Variants in GRM7 observed in about 807,000 individuals in gnomAD.
GRM7 encodes glutamate metabotropic receptor 7, also known as metabotropic glutamate receptor 7.
A neutral mutation model predicts 84.5 loss-of-function variants in GRM7; 35 were observed. The ratio of observed to expected loss-of-function variants is 0.41; its 90% confidence interval spans 0.32 to 0.55. The LOEUF is 0.55. Ranked by LOEUF, GRM7 falls within the 20% of genes least tolerant of loss-of-function variation. The probability of loss-of-function intolerance (pLI) is 0.19; values close to 1 mark genes in which losing one functional copy is unlikely to be tolerated. For missense variants in GRM7, 1,003 were observed against 1,194.6 expected (o/e 0.84, Z 2.36); for synonymous variants, 487 against 455.1 (o/e 1.07, Z -0.89).
chr3:7,270,715 G>A (rs6767232), intron 2 of GRM7, among the ~76,000 whole-genome samples: 1 of 151,942 alleles, frequency 6.6e-6, no homozygotes, highest in Non-Finnish European at 1.5e-5. Flanking sequence ...TAACAAGAGC[G>A]AGATTTAGTA....
At chr3:7,441,075 G>T (rs1210140646) in intron 5 of GRM7, among the ~76,000 whole-genome samples, 1 of 152,172 alleles carries the variant, frequency 6.6e-6, no homozygotes, top group Non-Finnish European at 1.5e-5. Context: ...TGACCAAACT[G>T]CTTTCCACAG....
intron 2 of GRM7, among the ~76,000 whole-genome samples, chr3:7,190,572 A>C (rs1695677209): frequency 6.6e-6 from 1 of 152,088 alleles, no homozygotes; most frequent in African/African-American, 2.4e-5. Flanking sequence ...CAAGTTGTTC[A>C]ACTCCTACTA....
intron 7 of GRM7, among the ~76,000 whole-genome samples, chr3:7,485,646 G>A (rs188474290): frequency 6.6e-6 from 1 of 152,286 alleles, no homozygotes; most frequent in East Asian, 1.9e-4. Context: ...ATATCAGAAG[G>A]TACTTAAGGA....
At chr3:7,638,770 A>T (rs1054572044) in intron 8 of GRM7, among the ~76,000 whole-genome samples, 1 of 152,210 alleles carries the variant, frequency 6.6e-6, no homozygotes, top group African/African-American at 2.4e-5. Context: ...CACAAAGAAG[A>T]CAATGTGGAA....
chr3:7,296,380 A>G (rs925982933), intron 2 of GRM7, among the ~76,000 whole-genome samples: 3 of 152,022 alleles, frequency 2.0e-5, no homozygotes, highest in Non-Finnish European at 4.4e-5. Flanking sequence ...TTCCTGGTTT[A>G]GGTATTAGGT....
chr3:7,415,147 A>C lies in GRM7; in HGVS notation c.1158A>C (p.Thr386=). The part of the protein sequence containing the change: ...LTISGSKKED[T]DRKCTGQERI... ...TTAGTGGGTCAAAAAAAGAAGACAC[A>C]GATCGCAAATGCACAGGTAATTTAA... is the stretch of plus-strand genomic sequence containing the variant. Residue 386 remains threonine (T), a synonymous_variant, in exon 5 of 10, where the codon ACA becomes ACC. Coordinates refer to ENST00000357716, the MANE Select transcript of GRM7 (RefSeq NM_000844.4). The C allele has an allele frequency of 6.2e-7, 1 of 1,613,126 alleles. No individual in the cohort carries two copies. The highest frequency in any genetic ancestry group is 8.5e-7 in the Non-Finnish European group (1 of 1,179,172).
At chr3:7,415,769 C>T (rs1696133751) in intron 5 of GRM7, among the ~76,000 whole-genome samples, 1 of 152,104 alleles carries the variant, frequency 6.6e-6, no homozygotes, top group African/African-American at 2.4e-5. Context: ...GTGCTAGGCA[C>T]TGGGGATCTG....
chr3:7,120,601 G>A (rs1693184469), intron 1 of GRM7, among the ~76,000 whole-genome samples: 1 of 152,006 alleles, frequency 6.6e-6, no homozygotes, highest in South Asian at 2.1e-4. Context: ...ACTGCATATA[G>A]TTATATATAT....
chr3:6,880,871 A>G (rs1695482694), intron 1 of GRM7, among the ~76,000 whole-genome samples: 1 of 152,204 alleles, frequency 6.6e-6, no homozygotes, highest in Non-Finnish European at 1.5e-5. Flanking sequence ...CTTGAAAGGT[A>G]AGCAATGTGT....
chr3:7,740,694 G>A lies in GRM7; in HGVS notation c.*288G>A. 1 of 299,546 alleles carries A rather than the reference G, an allele frequency of 3.3e-6. No individual in the cohort carries two copies. 18.6% of individuals were successfully genotyped at this position (299,546 alleles called of 1,614,324 possible). ...ACTCAAGTCCCGCCCTGGCTCTTTA[G>A]AATGGACCACTGAGAGCCACAGGAC... is the stretch of plus-strand genomic sequence containing the variant. On this transcript the variant is annotated 3_prime_UTR_variant, in exon 10 of 10. Transcript: ENST00000357716.
intron 2 of GRM7, among the ~76,000 whole-genome samples, chr3:7,240,825 G>A (rs74468369): frequency 0.016 from 2,410 of 152,188 alleles, 61 homozygotes; most frequent in East Asian, 0.08. Flanking sequence ...ATACAGTGAT[G>A]GTCCCATAAG....
At chr3:6,990,122 T>C (rs1694579822) in intron 1 of GRM7, among the ~76,000 whole-genome samples, 1 of 152,170 alleles carries the variant, frequency 6.6e-6, no homozygotes, top group Non-Finnish European at 1.5e-5. Context: ...GGGCTCCCTG[T>C]GGATGTTAGA....
intron 1 of GRM7, among the ~76,000 whole-genome samples, chr3:6,923,363 A>G (rs371199586): frequency 1.3e-5 from 2 of 152,174 alleles, no homozygotes; most frequent in African/African-American, 4.8e-5. Flanking sequence ...CACCTGTAAC[A>G]TGAAGAAGTG....
At chr3:7,086,932 A>G (rs1035176244) in intron 1 of GRM7, among the ~76,000 whole-genome samples, 8 of 152,106 alleles carry the variant, frequency 5.3e-5, no homozygotes, top group Non-Finnish European at 1.0e-4. Flanking sequence ...TCTAATTCCA[A>G]TTTCATTTTG....
chr3:7,509,525 T>C (rs944357854), intron 7 of GRM7, among the ~76,000 whole-genome samples: 2 of 152,176 alleles, frequency 1.3e-5, no homozygotes, highest in Non-Finnish European at 2.9e-5. Context: ...TCTGCAGATA[T>C]ATGTATCCCC....
chr3:7,018,636 C>A (rs934138801), intron 1 of GRM7, among the ~76,000 whole-genome samples: 2 of 152,168 alleles, frequency 1.3e-5, no homozygotes, highest in South Asian at 2.1e-4. Flanking sequence ...AAGCTTGGAG[C>A]TGTTAACGTG....
chr3:7,327,399 G>A (rs1701030215), intron 4 of GRM7, among the ~76,000 whole-genome samples: 1 of 152,084 alleles, frequency 6.6e-6, no homozygotes, highest in African/African-American at 2.4e-5. Context: ...GAAAGCATAA[G>A]AAAGAAAAGA....
chr3:7,734,208 T>A, intron 9 of GRM7, among the ~76,000 whole-genome samples: 1 of 129,008 alleles, frequency 7.8e-6, no homozygotes. Flanking sequence ...CCTCCCTTAT[T>A]CACCATTAGG....
intron 1 of GRM7, among the ~76,000 whole-genome samples, chr3:6,969,998 A>T (rs1693680176): frequency 6.6e-6 from 1 of 152,194 alleles, no homozygotes; most frequent in Non-Finnish European, 1.5e-5. Context: ...CCTGCCTCAG[A>T]TGTGAAAGAG....
Sources: gnomAD v4.1 joint callset for allele counts (sites outside exome capture counted in the v4.1 genomes callset) on GRCh38, gnomAD v4.1.1 for gene constraint, MANE v1.5 for transcripts, NCBI Gene and HGNC (gene_info 2026-07-23, HGNC 2026-07-21) for gene names.